The following SHANK2 variants were observed in gnomAD, a reference collection of about 807,000 sequenced individuals.
SHANK2 encodes SH3 and multiple ankyrin repeat domains protein 2.
Under a neutral mutation model 133.7 loss-of-function variants are expected in SHANK2, and 43 were observed. The ratio of observed to expected loss-of-function variants is 0.32; its 90% CI spans 0.25 to 0.41. The LOEUF (loss-of-function observed/expected upper bound fraction) is 0.41. Ranked by LOEUF, SHANK2 falls within the 10% of genes least tolerant of loss-of-function variation. The probability of loss-of-function intolerance (pLI) is 1.00; values close to 1 mark genes in which losing one functional copy is unlikely to be tolerated. For synonymous variants in SHANK2, 1,017 were observed against 952.8 expected (o/e 1.07, Z -1.24); for missense variants, 1,994 against 2,235.8 (o/e 0.89, Z 2.18).
chr11:70,584,220 G>A (rs2136235683), intron 17 of SHANK2, among the ~76,000 whole-genome samples: 1 of 152,282 alleles, frequency 6.6e-6, no homozygotes, highest in African/African-American at 2.4e-5. Flanking sequence ...TGAGTCCGAA[G>A]GTAGGAGGTA....
At chr11:70,490,478 A>C in intron 22 of SHANK2, 91 bp from the exon 23 acceptor site, 1 of 1,096,216 alleles carries the variant, frequency 9.1e-7, no homozygotes, top group Non-Finnish European at 1.4e-6. Context: ...AACTTCCGTC[A>C]CTGTGGCTTC....
rs1329866327 is a variant in SHANK2 at position 70,830,724 on chromosome 11, G to A, written c.1175-10042C>T. Among the ~76,000 whole-genome samples the A allele has an allele frequency of 2.0e-5, 3 of 152,210 alleles. No homozygotes were observed. The highest frequency in any genetic ancestry group is 7.2e-5 in the African/African-American group (3 of 41,460). ...ATCTTCTTCTCTGAGAAAAGCCTCA[G>A]GCTTTGGGAATGTCCCCGTGGAGCT... On this transcript the variant is annotated intron_variant, in intron 11 of 25. Coordinates refer to ENST00000601538, the MANE Select transcript of SHANK2 (RefSeq NM_012309.5). This position sits in a 1 kb window ranked among gnomAD's most constrained non-coding sequence, Gnocchi z 4.4.
At chr11:70,733,086 C>T (rs534959584) in intron 14 of SHANK2, among the ~76,000 whole-genome samples, 18 of 152,212 alleles carry the variant, frequency 1.2e-4, no homozygotes, top group Non-Finnish European at 2.2e-4. Flanking sequence ...ATCATCTCAA[C>T]TGAGTGGGAT....
chr11:71,243,503 G>C (rs1189559607), intron 1 of SHANK2, among the ~76,000 whole-genome samples: 5 of 152,114 alleles, frequency 3.3e-5, no homozygotes, highest in African/African-American at 1.2e-4. Flanking sequence ...GACCATCCTG[G>C]CTAGCACGGT....
chr11:71,153,714 C>T (rs1393388614), intron 2 of SHANK2, among the ~76,000 whole-genome samples: 1 of 152,204 alleles, frequency 6.6e-6, no homozygotes, highest in Non-Finnish European at 1.5e-5. Context: ...CGCCTGTAAT[C>T]CCCGCACTTT....
rs187912366 is a variant in SHANK2 at position 70,532,881 on chromosome 11, A to G, written c.2062-29950T>C. 5.3e-5 allele frequency among the ~76,000 whole-genome samples: 8 copies of G among 151,968 alleles called. No homozygotes were observed. In the East Asian group the frequency reaches 1.6e-3, roughly 30 times the overall value. Reference sequence around the variant, plus strand: ...CCAGTGTCTACGGACAGAGGGATGAATAACACTCTGTGGTCGAGCCATACA... The same window carrying G: ...CCAGTGTCTACGGACAGAGGGATGAGTAACACTCTGTGGTCGAGCCATACA... On this transcript the variant is annotated intron_variant, in intron 17 of 25. Coordinates refer to ENST00000601538, the MANE Select transcript of SHANK2 (RefSeq NM_012309.5).
intron 17 of SHANK2, among the ~76,000 whole-genome samples, chr11:70,558,179 C>T (rs1020438846): frequency 2.0e-5 from 3 of 152,124 alleles, no homozygotes; most frequent in Non-Finnish European, 2.9e-5. Context: ...TGGAGGTGTG[C>T]GAGGGGGAGC....
At chr11:70,745,489 A>C (rs12295070) in intron 14 of SHANK2, among the ~76,000 whole-genome samples, 14,815 of 152,194 alleles carry the variant, frequency 0.097, 926 homozygotes, top group South Asian at 0.29. Context: ...TTGAAAACAC[A>C]GTCTTGGCTG....
At chr11:70,837,975 CAAAAAAAAAAAA>C (rs55862093) in intron 11 of SHANK2, among the ~76,000 whole-genome samples, 11 of 25,178 alleles carry the variant, frequency 4.4e-4, no homozygotes, top group African/African-American at 1.4e-3. Flanking sequence ...CATTCTGTCT[CAAAAAAAAAAAA>C]AAAAAAAAAA....
At chr11:70,831,963 T>G (rs1427988096) in intron 11 of SHANK2, among the ~76,000 whole-genome samples, 1 of 152,152 alleles carries the variant, frequency 6.6e-6, no homozygotes, top group Non-Finnish European at 1.5e-5. Flanking sequence ...ATCTGTAAAG[T>G]AGGAATAGCA....
intron 17 of SHANK2, among the ~76,000 whole-genome samples, chr11:70,511,703 C>T (rs2059207003): frequency 6.6e-6 from 1 of 152,198 alleles, no homozygotes; most frequent in Non-Finnish European, 1.5e-5. Flanking sequence ...CCATGCATCA[C>T]CCTTACATAC....
chr11:71,146,124 G>A (rs1404345003), intron 3 of SHANK2, among the ~76,000 whole-genome samples: 3 of 152,178 alleles, frequency 2.0e-5, no homozygotes, highest in Admixed American at 6.5e-5. Context: ...TGAAATGTTC[G>A]CAGGCCAACC....
rs549472975 is a variant in SHANK2 at position 70,794,291 on chromosome 11, A to C, written c.1777+4152T>G. Among the ~76,000 whole-genome samples, 20 of 151,790 alleles carry C rather than the reference A, an allele frequency of 1.3e-4. No homozygotes were observed. The South Asian group carries it at 2.1e-3, about 16-fold the overall frequency. ...GACTCCGTCTCAGAAAAAAAAAAAAAAACAACATATAAACCACTGAGTCCT... is the reference window on the plus strand; with the variant it reads ...GACTCCGTCTCAGAAAAAAAAAAAACAACAACATATAAACCACTGAGTCCT... On this transcript the variant is annotated intron_variant, in intron 14 of 25. Transcript: ENST00000601538.
At chr11:70,580,642 C>T (rs941892901) in intron 17 of SHANK2, among the ~76,000 whole-genome samples, 1 of 152,202 alleles carries the variant, frequency 6.6e-6, no homozygotes, top group Admixed American at 6.5e-5. Flanking sequence ...AGGACAGCGC[C>T]GTGGCACTGG....
chr11:70,784,363 T>TG (rs1947598009), intron 14 of SHANK2, among the ~76,000 whole-genome samples: 1 of 135,622 alleles, frequency 7.4e-6, no homozygotes, highest in East Asian at 2.0e-4. Flanking sequence ...TTTTTTTTTT[T>TG]TTTTTTTTTT....
chr11:71,141,868 G>C (rs1952559849), intron 3 of SHANK2, among the ~76,000 whole-genome samples: 1 of 151,914 alleles, frequency 6.6e-6, no homozygotes, highest in African/African-American at 2.4e-5. Flanking sequence ...AGCCAACCTA[G>C]ACGAGACAGG....
intron 17 of SHANK2, among the ~76,000 whole-genome samples, chr11:70,532,638 G>GAA (rs553345723): frequency 7.5e-6 from 1 of 133,442 alleles, no homozygotes; most frequent in Non-Finnish European, 1.6e-5. Context: ...ATTGTCCATG[G>GAA]AAAAAAAAAA....
intron 5 of SHANK2, among the ~76,000 whole-genome samples, chr11:71,112,724 C>A (rs910963491): frequency 6.6e-6 from 1 of 152,144 alleles, no homozygotes; most frequent in East Asian, 1.9e-4. Context: ...CCTCAGCCCC[C>A]TCTCCACGCC....
intron 1 of SHANK2, among the ~76,000 whole-genome samples, chr11:71,251,127 T>C (rs2919745): frequency 0.54 from 79,099 of 146,084 alleles, 23,765 homozygotes; most frequent in African/African-American, 0.84. Context: ...CCTGCCTGGC[T>C]CGAGCGCCTT....
Sources: allele counts gnomAD v4.1 joint callset (sites outside exome capture counted in the v4.1 genomes callset), GRCh38; gene constraint gnomAD v4.1.1; non-coding constraint Gnocchi (gnomAD v3.1); transcripts MANE v1.5; gene names NCBI Gene and HGNC (gene_info 2026-07-23, HGNC 2026-07-21).